HHAT: variants seen among roughly 807,000 people sequenced by gnomAD.
HHAT encodes the protein hedgehog acyltransferase.
Under a neutral mutation model 70.8 loss-of-function variants are expected in HHAT, and 47 were observed. The ratio of observed to expected loss-of-function variants is 0.66; its 90% CI spans 0.53 to 0.85. The LOEUF is 0.85. Among genes scored for constraint, HHAT ranks in the 40% least tolerant of loss-of-function variants. HHAT has a pLI of 0.00. For synonymous variants in HHAT, 228 were observed against 247.6 expected (o/e 0.92, Z 0.74); for missense variants, 609 against 604.8 (o/e 1.01, Z -0.07).
chr1:210,391,989 C>T (rs977366653), intron 4 of HHAT, among the ~76,000 whole-genome samples: 1 of 152,056 alleles, frequency 6.6e-6, no homozygotes, highest in Non-Finnish European at 1.5e-5. Flanking sequence ...CCTGCCTCAG[C>T]TCCCGAGTAG....
At chr1:210,503,476 A>G (rs554372301) in intron 8 of HHAT, among the ~76,000 whole-genome samples, 61 of 152,172 alleles carry the variant, frequency 4.0e-4, no homozygotes, top group Admixed American at 7.2e-4. Flanking sequence ...TTTGCTTTAT[A>G]CTCTTGAAAA....
At chr1:210,417,849 C>G (rs1225996095) in intron 6 of HHAT, among the ~76,000 whole-genome samples, 1 of 152,126 alleles carries the variant, frequency 6.6e-6, no homozygotes, top group African/African-American at 2.4e-5. Flanking sequence ...GAGTGCTGCC[C>G]TCCCCGCTTG....
chr1:210,665,161 T>C (rs564014463), intron 11 of HHAT, among the ~76,000 whole-genome samples: 2 of 152,354 alleles, frequency 1.3e-5, no homozygotes, highest in South Asian at 2.1e-4. Context: ...TGGATGGATA[T>C]GTTGGTGACA....
intron 9 of HHAT, among the ~76,000 whole-genome samples, chr1:210,548,106 G>T (rs747109699): frequency 6.6e-6 from 1 of 152,180 alleles, no homozygotes; most frequent in Non-Finnish European, 1.5e-5. Context: ...GTGATGGACT[G>T]TCCTCAGAGT....
At chr1:210,581,194 A>G (rs1295255015) in intron 9 of HHAT, among the ~76,000 whole-genome samples, 2 of 152,206 alleles carry the variant, frequency 1.3e-5, no homozygotes, top group Non-Finnish European at 2.9e-5. Flanking sequence ...TCTTATAAAT[A>G]CATTTAAGTT....
intron 11 of HHAT, among the ~76,000 whole-genome samples, chr1:210,665,805 AT>A (rs1376834222): frequency 6.6e-6 from 1 of 152,214 alleles, no homozygotes; most frequent in African/African-American, 2.4e-5. Context: ...TTGGATTGAA[AT>A]CAAAACCAAA....
chr1:210,565,233 A>AGG (rs1436529066), intron 9 of HHAT, among the ~76,000 whole-genome samples: 1 of 152,212 alleles, frequency 6.6e-6, no homozygotes, highest in Non-Finnish European at 1.5e-5. Context: ...TGGTTCGGGA[A>AGG]GGAGAGGGTG....
chr1:210,630,646 C>T (rs1328189251), intron 11 of HHAT, among the ~76,000 whole-genome samples: 2 of 152,226 alleles, frequency 1.3e-5, no homozygotes, highest in African/African-American at 2.4e-5. Context: ...CTCCCACCCG[C>T]TCTCAGTCTG....
chr1:210,458,586 C>G (rs1010977391), intron 7 of HHAT, among the ~76,000 whole-genome samples: 2 of 151,908 alleles, frequency 1.3e-5, no homozygotes, highest in African/African-American at 4.8e-5. Context: ...AGAGTTTTGA[C>G]AGACAAAATG....
intron 7 of HHAT, among the ~76,000 whole-genome samples, chr1:210,451,618 AC>A (rs1240947905): frequency 2.0e-5 from 3 of 152,180 alleles, no homozygotes; most frequent in Non-Finnish European, 4.4e-5. Flanking sequence ...TCACCCTGTT[AC>A]CTAGGCTGAG....
chr1:210,389,307 C>T, intron 4 of HHAT, among the ~76,000 whole-genome samples: 1 of 152,220 alleles, frequency 6.6e-6, no homozygotes, highest in East Asian at 1.9e-4. Context: ...GACATCGCGG[C>T]AATCCTGAGG....
intron 2 of HHAT, among the ~76,000 whole-genome samples, chr1:210,353,069 G>A (rs563796984): frequency 3.3e-5 from 5 of 152,002 alleles, no homozygotes; most frequent in African/African-American, 1.2e-4. Flanking sequence ...CTGAGTAGCT[G>A]GGACTACAGG....
At position 210,404,522 on chromosome 1, in the gene HHAT, G is replaced by A. The variant is rs145435771; in HGVS notation, c.527G>A (p.Arg176His). ...CTGCTGCAGTTCACGCTGACCGTTC[G>A]CTGCCTGTACTACACCAGCTTCAGC... is the stretch of plus-strand genomic sequence containing the variant. Reference protein sequence around the residue: ...YYLLQFTLTVRCLYYTSFSLE... With the variant: ...YYLLQFTLTVHCLYYTSFSLE... The change falls in exon 6 of 12, where the codon CGC becomes CAC. Residue 176 changes from arginine to histidine, a missense_variant. Physicochemically the swap from Arg to His is conservative, Grantham distance 29. Coordinates refer to ENST00000261458, the MANE Select transcript of HHAT (RefSeq NM_018194.6). The A allele has an allele frequency of 5.6e-6, 9 of 1,613,600 alleles. No homozygotes were observed. The highest frequency in any genetic ancestry group is 1.3e-5 in the African/African-American group (1 of 75,028).
rs148736674 is a variant in HHAT, at chr1:210,640,471, A to G, written c.1390+16801A>G. On this transcript the variant is annotated intron_variant, in intron 11 of 11. Transcript: ENST00000261458. ...CACAGAATACTGAGTTCTGACTCCAATAAGCTGAGTATTGGGCTTTAAAAT... is the reference window on the plus strand; with the variant it reads ...CACAGAATACTGAGTTCTGACTCCAGTAAGCTGAGTATTGGGCTTTAAAAT... Among the ~76,000 whole-genome samples the G allele has an allele frequency of 9.2e-5, 14 of 152,262 alleles. No homozygotes were observed. The East Asian group carries it at 1.9e-3, about 21-fold the overall frequency.
At chr1:210,452,447 C>T (rs1442820009) in intron 7 of HHAT, among the ~76,000 whole-genome samples, 1 of 152,230 alleles carries the variant, frequency 6.6e-6, no homozygotes, top group Non-Finnish European at 1.5e-5. Context: ...ATGTATTCAT[C>T]TCCCAGGTTC....
intron 7 of HHAT, among the ~76,000 whole-genome samples, chr1:210,445,381 T>G (rs2093614902): frequency 1.3e-5 from 2 of 152,232 alleles, no homozygotes; most frequent in African/African-American, 4.8e-5. Context: ...CTTTGAAAGC[T>G]TACCGTATTA....
intron 11 of HHAT, among the ~76,000 whole-genome samples, chr1:210,630,399 T>C (rs1670638905): frequency 6.6e-6 from 1 of 152,210 alleles, no homozygotes; most frequent in Non-Finnish European, 1.5e-5. Flanking sequence ...CTACCATAGC[T>C]TCTTTCTAAA....
At chr1:210,575,971 T>C (rs1558194840) in intron 9 of HHAT, among the ~76,000 whole-genome samples, 1 of 152,124 alleles carries the variant, frequency 6.6e-6, no homozygotes, top group African/African-American at 2.4e-5. Flanking sequence ...AGAAGTGTAG[T>C]AGGTACTGAC....
chr1:210,578,613 A>G (rs1272137861), intron 9 of HHAT, among the ~76,000 whole-genome samples: 2 of 152,230 alleles, frequency 1.3e-5, no homozygotes, highest in Non-Finnish European at 2.9e-5. Flanking sequence ...AATGTGGTAT[A>G]TACATACAAT....
Sources: gnomAD v4.1 joint callset for allele counts (sites outside exome capture counted in the v4.1 genomes callset) on GRCh38, gnomAD v4.1.1 for gene constraint, MANE v1.5 for transcripts, NCBI Gene and HGNC (gene_info 2026-07-23, HGNC 2026-07-21) for gene names.